RGS7: variants seen among roughly 807,000 people sequenced by gnomAD.
The protein encoded by RGS7 is regulator of G protein signaling 7, also known as regulator of G-protein signaling 7.
In RGS7, 27 loss-of-function variants were observed where a neutral mutation model predicts 81.1. That is an observed-to-expected ratio of 0.33 (90% confidence interval 0.25 to 0.46). The LOEUF (loss-of-function observed/expected upper bound fraction) is 0.46, where lower values mean the gene tolerates loss of function less well. Ranked by LOEUF, RGS7 falls within the 20% of genes least tolerant of loss-of-function variation. The pLI, the probability that RGS7 is intolerant of heterozygous loss-of-function variation, is 1.00. For synonymous variants in RGS7, 208 were observed against 207.7 expected, an observed-to-expected ratio of 1.00 and a Z score of -0.01; for missense variants, 396 against 607.4, an observed-to-expected ratio of 0.65 and a Z score of 3.66.
At chr1:240,827,286 T>C in intron 9 of RGS7, 114 bp from the exon 10 acceptor site, 1 of 823,434 alleles carries the variant, frequency 1.2e-6, no homozygotes, top group South Asian at 1.4e-5. Flanking sequence ...ATGACACAAA[T>C]CAAGGGAGGT....
intron 3 of RGS7, among the ~76,000 whole-genome samples, chr1:241,088,175 A>G (rs1430755338): frequency 2.0e-5 from 3 of 151,514 alleles, no homozygotes; most frequent in Non-Finnish European, 2.9e-5. Context: ...GGAGGAAAAA[A>G]CAGGGCAGGG....
chr1:240,838,951 G>A (rs1695154415), intron 9 of RGS7, among the ~76,000 whole-genome samples: 1 of 152,030 alleles, frequency 6.6e-6, no homozygotes, highest in South Asian at 2.1e-4. Flanking sequence ...ATTTTTAGTA[G>A]AGACGGGGTT....
At chr1:241,086,484 C>A (rs1051603134) in intron 3 of RGS7, among the ~76,000 whole-genome samples, 1 of 151,970 alleles carries the variant, frequency 6.6e-6, no homozygotes, top group African/African-American at 2.4e-5. Flanking sequence ...GTCTCCCGTG[C>A]ATCCTATTTT....
chr1:241,097,561 C>T (rs2064357955), intron 3 of RGS7, among the ~76,000 whole-genome samples: 1 of 152,084 alleles, frequency 6.6e-6, no homozygotes, highest in African/African-American at 2.4e-5. Flanking sequence ...CAGCCTGCAA[C>T]CCCTGTACAG....
chr1:241,247,754 T>C (rs1000670817), intron 2 of RGS7, among the ~76,000 whole-genome samples: 1 of 152,156 alleles, frequency 6.6e-6, no homozygotes, highest in African/African-American at 2.4e-5. Flanking sequence ...CTTAGAAAGA[T>C]TAAGAAAATA....
Position 240,932,776 on chromosome 1 carries a change from G to A in RGS7, c.334-2008C>T, listed in dbSNP as rs183025621. ...GCCTGCCTCGGCCTCCCAAAGTGCT[G>A]GGATTACAGGTGTGAGCCACTGTGC... On this transcript the variant is annotated intron_variant, in intron 5 of 18. Coordinates refer to ENST00000440928, the MANE Select transcript of RGS7 (RefSeq NM_001364886.1). 6.7e-3 allele frequency among the ~76,000 whole-genome samples: 1,004 copies of A among 150,606 alleles called. 13 individuals carry two copies. The highest frequency in any genetic ancestry group is 0.023 in the African/African-American group (949 of 41,018).
At chr1:241,109,520 T>C (rs1052716366) in intron 2 of RGS7, among the ~76,000 whole-genome samples, 10 of 152,196 alleles carry the variant, frequency 6.6e-5, no homozygotes, top group Non-Finnish European at 1.5e-4. Flanking sequence ...CTTTGGTAAT[T>C]TGCATTAGTT....
chr1:241,040,479 T>TTTCTA (rs1558634832), intron 3 of RGS7, among the ~76,000 whole-genome samples: 2 of 151,114 alleles, frequency 1.3e-5, no homozygotes, highest in Non-Finnish European at 3.0e-5. Context: ...TTACTTTTCT[T>TTTCTA]TTTATTTATT....
Position 241,243,987 on chromosome 1 carries a change from G to A in RGS7, c.78+111712C>T, listed in dbSNP as rs141980706. The stretch of plus-strand genomic sequence containing the variant: ...TTAGAAGCTAAAAGTAGTGGAGCAA[G>A]GTGACAAAAAAGAGATCCTTTCTAG... On this transcript the variant is annotated intron_variant, in intron 2 of 18. Coordinates refer to ENST00000440928, the MANE Select transcript of RGS7 (RefSeq NM_001364886.1). Among the ~76,000 whole-genome samples, 272 of 152,176 alleles carry A rather than the reference G, an allele frequency of 1.8e-3. 1 individual carries two copies. The highest frequency in any genetic ancestry group is 6.2e-3 in the African/African-American group (256 of 41,522).
chr1:240,790,981 G>A (rs1364789874), intron 18 of RGS7, among the ~76,000 whole-genome samples: 1 of 152,094 alleles, frequency 6.6e-6, no homozygotes, highest in African/African-American at 2.4e-5. Context: ...TTGATAATAG[G>A]GACTTGTTTT....
At chr1:241,343,044 C>T (rs1232757557) in intron 2 of RGS7, among the ~76,000 whole-genome samples, 2 of 151,898 alleles carry the variant, frequency 1.3e-5, no homozygotes, top group South Asian at 2.1e-4. Context: ...AGGAGGATGA[C>T]GAGGTCAGGA....
chr1:240,871,041 G>C (rs1305383728), intron 6 of RGS7, among the ~76,000 whole-genome samples: 1 of 152,218 alleles, frequency 6.6e-6, no homozygotes, highest in Non-Finnish European at 1.5e-5. Context: ...GGTGACAGCA[G>C]TGTTGCAATT....
intron 10 of RGS7, among the ~76,000 whole-genome samples, chr1:240,818,530 C>A (rs901962328): frequency 6.6e-6 from 1 of 152,150 alleles, no homozygotes; most frequent in African/African-American, 2.4e-5. Context: ...TTAAATAAAA[C>A]AACCTTCTGA....
chr1:241,307,318 T>G (rs1217169322), intron 2 of RGS7, among the ~76,000 whole-genome samples: 1 of 152,184 alleles, frequency 6.6e-6, no homozygotes, highest in African/African-American at 2.4e-5. Context: ...AGTTCCACAA[T>G]GAAGAAGAAT....
At position 241,228,183 on chromosome 1, in the gene RGS7, C is replaced by T. The variant is rs571042363; in HGVS notation, c.78+127516G>A. 5.3e-5 allele frequency among the ~76,000 whole-genome samples: 8 copies of T among 152,254 alleles called. No individual in the cohort carries two copies. The South Asian group carries it at 1.2e-3, about 24-fold the overall frequency. On this transcript the variant is annotated intron_variant, in intron 2 of 18. Coordinates refer to ENST00000440928, the MANE Select transcript of RGS7 (RefSeq NM_001364886.1). ...AAAGGCCACATGTTGATGCTCTAGT[C>T]AATAGAGTATCAGGTGAGCCCAGCG...
intron 18 of RGS7, among the ~76,000 whole-genome samples, chr1:240,792,423 C>T (rs937031544): frequency 6.6e-6 from 1 of 151,466 alleles, no homozygotes; most frequent in African/African-American, 2.4e-5. Context: ...TGATGGCCCA[C>T]GTGTAGATCC....
At chr1:241,199,941 C>T (rs1915877) in intron 2 of RGS7, among the ~76,000 whole-genome samples, 35,274 of 152,088 alleles carry the variant, frequency 0.23, 6,211 homozygotes, top group African/African-American at 0.49. Flanking sequence ...CATTTAGATC[C>T]TTCATCTGCA....
intron 9 of RGS7, among the ~76,000 whole-genome samples, chr1:240,857,222 T>C (rs1165875805): frequency 6.6e-6 from 1 of 152,210 alleles, no homozygotes; most frequent in Non-Finnish European, 1.5e-5. Flanking sequence ...TTTTTTGTTA[T>C]GTCATGGACT....
chr1:240,981,089 C>T (rs1187484459), intron 4 of RGS7, among the ~76,000 whole-genome samples: 2 of 152,154 alleles, frequency 1.3e-5, no homozygotes, highest in African/African-American at 2.4e-5. Context: ...TACTGAACTA[C>T]ACCTTCAGGT....
Sources: allele counts gnomAD v4.1 joint callset (sites outside exome capture counted in the v4.1 genomes callset), GRCh38; gene constraint gnomAD v4.1.1; transcripts MANE v1.5; gene names NCBI Gene and HGNC (gene_info 2026-07-23, HGNC 2026-07-21).